Variants in SPRING1 observed in about 807,000 individuals in gnomAD.
SPRING1 encodes SREBF pathway regulator in golgi 1.
SPRING1 carries 14 observed loss-of-function variants against 24.7 expected under a neutral mutation model. The ratio of observed to expected loss-of-function variants is 0.57; its 90% CI spans 0.37 to 0.88. The LOEUF (loss-of-function observed/expected upper bound fraction) is 0.88. Among genes scored for constraint, SPRING1 ranks in the 40% least tolerant of loss-of-function variants. The probability of loss-of-function intolerance (pLI) is 0.00; values close to 1 mark genes in which losing one functional copy is unlikely to be tolerated. For missense variants in SPRING1, 255 were observed against 268.4 expected (o/e 0.95, Z 0.35); for synonymous variants, 93 against 106.1 (o/e 0.88, Z 0.76).
Position 116,717,793 on chromosome 12 carries a change from C to G in SPRING1, c.*17G>C, listed in dbSNP as rs758686738. 1.9e-6 allele frequency: 3 copies of G among 1,572,726 alleles called. No individual in the cohort carries two copies. The highest frequency in any genetic ancestry group is 1.8e-5 in the Admixed American group (1 of 55,676). The stretch of plus-strand genomic sequence containing the variant: ...CGGGGCCTCCTCACCCAGGCTGGAG[C>G]AAGTCCGCTGCACCCGTCAAGCGGG... On this transcript the variant is annotated 3_prime_UTR_variant, in exon 5 of 5. Coordinates refer to ENST00000261318, the MANE Select transcript of SPRING1 (RefSeq NM_024738.4). This position sits in a 1 kb window ranked among gnomAD's most constrained non-coding sequence, Gnocchi z 4.2.
chr12:116,719,025 T>C (rs1870290043), intron 4 of SPRING1, among the ~76,000 whole-genome samples: 1 of 152,230 alleles, frequency 6.6e-6, no homozygotes, highest in Non-Finnish European at 1.5e-5. Context: ...ATGAGTCCGT[T>C]ATCTCAGACG....
In SPRING1 at chr12:116,710,710, C is replaced by A. The variant is rs1237284407; in HGVS notation, c.*7100G>T. ...AAATCTGCAAGAGAGAAGGAGGAAG[C>A]CCTGGTTTGGAGAAAAACGGGCTCC... On this transcript the variant is annotated 3_prime_UTR_variant, in exon 5 of 5. Coordinates refer to ENST00000261318, the MANE Select transcript of SPRING1 (RefSeq NM_024738.4). 6.6e-6 allele frequency: 1 copy of A among 152,148 alleles called. No homozygotes were observed. The highest frequency in any genetic ancestry group is 1.5e-5 in the Non-Finnish European group (1 of 68,038). 9.4% of individuals were successfully genotyped at this position (152,148 alleles called of 1,614,324 possible).
intron 1 of SPRING1, among the ~76,000 whole-genome samples, chr12:116,736,546 C>T (rs1871228756): frequency 6.6e-6 from 1 of 152,194 alleles, no homozygotes; most frequent in African/African-American, 2.4e-5. Context: ...AGAGTGACCA[C>T]ATAGTTTTAT....
chr12:116,738,068 ACCCCGCCCTACG>A (rs1355064798), exon 1 of SPRING1: 8 of 1,071,754 alleles, frequency 7.5e-6, no homozygotes, highest in Non-Finnish European at 9.0e-6. Flanking sequence ...GCCCCACGTG[ACCCCGCCCTACG>A]CCCCGCCTCC....
intron 2 of SPRING1, among the ~76,000 whole-genome samples, chr12:116,721,787 A>C (rs1417544110): frequency 6.6e-6 from 1 of 152,220 alleles, no homozygotes; most frequent in Non-Finnish European, 1.5e-5. Context: ...ACTGTATATA[A>C]TGTGACCTAA....
In SPRING1 at chr12:116,717,968, A is replaced by G; in HGVS notation, c.535-75T>C. On this transcript the variant is annotated intron_variant, in intron 4 of 4. Coordinates refer to ENST00000261318, the MANE Select transcript of SPRING1 (RefSeq NM_024738.4). The surrounding 1 kb of genome is among the most constrained non-coding windows in gnomAD (Gnocchi z 4.2). ...CACACCTCCCTCTCGGAAGAGTGAGAGTGGATCGGGACTGTCAGACTCTCC... is the reference window on the plus strand; with the variant it reads ...CACACCTCCCTCTCGGAAGAGTGAGGGTGGATCGGGACTGTCAGACTCTCC... 1.6e-6 allele frequency: 2 copies of G among 1,268,106 alleles called. No individual in the cohort carries two copies. The highest frequency in any genetic ancestry group is 3.0e-5 in the South Asian group (2 of 66,610). 78.6% of individuals were successfully genotyped at this position (1,268,106 alleles called of 1,614,324 possible).
chr12:116,729,889 A>G (rs1009943779), intron 1 of SPRING1, among the ~76,000 whole-genome samples: 3 of 152,058 alleles, frequency 2.0e-5, no homozygotes, highest in Non-Finnish European at 2.9e-5. Context: ...TTTTGTTTTT[A>G]TTTTTATTTA....
chr12:116,737,754 G>A (rs2137052865), intron 1 of SPRING1, 36 bp downstream of exon 1: 3 of 1,496,876 alleles, frequency 2.0e-6, no homozygotes, highest in Admixed American at 2.0e-5. Flanking sequence ...AAGGAAGGAA[G>A]AAGGGAAGGG....
intron 1 of SPRING1, among the ~76,000 whole-genome samples, chr12:116,735,588 C>T (rs1195702616): frequency 2.0e-5 from 3 of 151,414 alleles, no homozygotes; most frequent in African/African-American, 7.3e-5. Context: ...AAAAATTAGT[C>T]GGGTGTGGTG....
chr12:116,717,165 G>A lies in SPRING1; in HGVS notation c.*645C>T, dbSNP rs541512526. The A allele has an allele frequency of 5.9e-5, 9 of 152,114 alleles. No homozygotes were observed. Among genetic ancestry groups the A allele is most frequent in the African/African-American group, 1.4e-4 (6 of 41,404 alleles). The allele number at this position is 152,114 out of a possible 1,614,324, so 9.4% of individuals were successfully genotyped here. On this transcript the variant is annotated 3_prime_UTR_variant, in exon 5 of 5. Transcript: ENST00000261318. This position sits in a 1 kb window ranked among gnomAD's most constrained non-coding sequence, Gnocchi z 4.2. ...TCTGAGTTTTTAGATAATTTTACAC[G>A]TCAGGATATGGCTAACAGGTCACGT...
chr12:116,737,410 G>C (rs923350266), intron 1 of SPRING1, among the ~76,000 whole-genome samples: 3 of 151,364 alleles, frequency 2.0e-5, no homozygotes. Context: ...GGGAGAGGGG[G>C]ACAGAAAGGA....
At position 116,716,512 on chromosome 12, in the gene SPRING1, T is replaced by C. The variant is rs1406198086; in HGVS notation, c.*1298A>G. The C allele has an allele frequency of 2.0e-5, 3 of 152,662 alleles. No individual in the cohort carries two copies. The highest frequency in any genetic ancestry group is 7.2e-5 in the African/African-American group (3 of 41,462). The allele number at this position is 152,662 out of a possible 1,614,324, so 9.5% of individuals were successfully genotyped here. A position where few individuals can be genotyped will look rare whatever the true frequency, so the allele number is the denominator to read the frequency against. ...CGTGACTCCTGAAAACAAAGAGCAG[T>C]ACTATTCGAAGGGCATGATGTCTTG... On this transcript the variant is annotated 3_prime_UTR_variant, in exon 5 of 5. Coordinates refer to ENST00000261318, the MANE Select transcript of SPRING1 (RefSeq NM_024738.4).
rs867333965 is a variant in SPRING1, at chr12:116,712,419, G to A, written c.*5391C>T. 1 of 152,200 alleles carries A rather than the reference G, an allele frequency of 6.6e-6. No homozygotes were observed. The highest frequency in any genetic ancestry group is 1.5e-5 in the Non-Finnish European group (1 of 68,040). The allele number at this position is 152,200 out of a possible 1,614,324, so 9.4% of individuals were successfully genotyped here. Reference sequence around the variant, plus strand: ...GACAGCAGACGAGGTAAGGCATGTTGCAGATACATGCTGAATATAGGGATG... The same window carrying A: ...GACAGCAGACGAGGTAAGGCATGTTACAGATACATGCTGAATATAGGGATG... On this transcript the variant is annotated 3_prime_UTR_variant, in exon 5 of 5. Transcript: ENST00000261318.
At position 116,715,937 on chromosome 12, in the gene SPRING1, T is replaced by C. The variant is rs1226511242; in HGVS notation, c.*1873A>G. On this transcript the variant is annotated 3_prime_UTR_variant, in exon 5 of 5. Coordinates refer to ENST00000261318, the MANE Select transcript of SPRING1 (RefSeq NM_024738.4). ...TAAACAGGCACAGGCTGCCCTTTGG[T>C]ATAAACTGTTCACATTAAATCTATG... is the stretch of plus-strand genomic sequence containing the variant. The C allele has an allele frequency of 6.6e-6, 1 of 152,190 alleles. No homozygotes were observed. Among genetic ancestry groups the C allele is most frequent in the Admixed American group, 6.5e-5 (1 of 15,276 alleles). 9.4% of individuals were successfully genotyped at this position (152,190 alleles called of 1,614,324 possible). A position where few individuals can be genotyped will look rare whatever the true frequency, so the allele number is the denominator to read the frequency against.
chr12:116,713,401 T>C lies in SPRING1; in HGVS notation c.*4409A>G, dbSNP rs142148450. ...TAAGTCACGAATAGGCATTTCACCA[T>C]ATGTACATGATAAATGGCCAATCAA... is the stretch of plus-strand genomic sequence containing the variant. On this transcript the variant is annotated 3_prime_UTR_variant, in exon 5 of 5. Transcript: ENST00000261318. The C allele has an allele frequency of 6.7e-4, 102 of 152,356 alleles. No homozygotes were observed. Among genetic ancestry groups the C allele is most frequent in the African/African-American group, 2.4e-3 (99 of 41,586 alleles). The allele number at this position is 152,356 out of a possible 1,614,324, so 9.4% of individuals were successfully genotyped here. A position where few individuals can be genotyped will look rare whatever the true frequency, so the allele number is the denominator to read the frequency against.
At position 116,716,884 on chromosome 12, in the gene SPRING1, T is replaced by C. The variant is rs1336223475; in HGVS notation, c.*926A>G. ...AATTGCCTCAACGTTGGGTTTCTAT[T>C]GATAGAACAGGGGAGGAGGTTGCCT... On this transcript the variant is annotated 3_prime_UTR_variant, in exon 5 of 5. Coordinates refer to ENST00000261318, the MANE Select transcript of SPRING1 (RefSeq NM_024738.4). The C allele has an allele frequency of 6.6e-6, 1 of 152,232 alleles. No individual in the cohort carries two copies. The highest frequency in any genetic ancestry group is 1.5e-5 in the Non-Finnish European group (1 of 68,050). 9.4% of individuals were successfully genotyped at this position (152,232 alleles called of 1,614,324 possible). A position where few individuals can be genotyped will look rare whatever the true frequency, so the allele number is the denominator to read the frequency against.
chr12:116,724,573 C>T (rs1265630918), intron 1 of SPRING1, among the ~76,000 whole-genome samples: 5 of 151,982 alleles, frequency 3.3e-5, no homozygotes, highest in South Asian at 2.1e-4. Context: ...AAAAATTAGC[C>T]GGGCGTGGTG....
At chr12:116,725,259 C>G (rs1188869599) in intron 1 of SPRING1, among the ~76,000 whole-genome samples, 1 of 152,158 alleles carries the variant, frequency 6.6e-6, no homozygotes, top group Non-Finnish European at 1.5e-5. Flanking sequence ...TCACGCCATC[C>G]CATTCCGTCC....
In SPRING1 at chr12:116,712,411, G is replaced by A. The variant is rs1460317264; in HGVS notation, c.*5399C>T. ...TGCTCTGTGACAGCAGACGAGGTAAGGCATGTTGCAGATACATGCTGAATA... is the reference window on the plus strand; with the variant it reads ...TGCTCTGTGACAGCAGACGAGGTAAAGCATGTTGCAGATACATGCTGAATA... On this transcript the variant is annotated 3_prime_UTR_variant, in exon 5 of 5. Coordinates refer to ENST00000261318, the MANE Select transcript of SPRING1 (RefSeq NM_024738.4). The A allele has an allele frequency of 6.6e-6, 1 of 152,174 alleles. No individual in the cohort carries two copies. Among genetic ancestry groups the A allele is most frequent in the East Asian group, 1.9e-4 (1 of 5,196 alleles). 9.4% of individuals were successfully genotyped at this position (152,174 alleles called of 1,614,324 possible).
Sources: gnomAD v4.1 joint callset for allele counts (sites outside exome capture counted in the v4.1 genomes callset) on GRCh38, gnomAD v4.1.1 for gene constraint, Gnocchi (gnomAD v3.1) non-coding constraint, MANE v1.5 for transcripts, NCBI Gene and HGNC (gene_info 2026-07-23, HGNC 2026-07-21) for gene names.